Variants in CSNK1G2 observed in about 807,000 individuals in gnomAD.
The protein encoded by CSNK1G2 is casein kinase I isoform gamma-2.
In CSNK1G2, 11 loss-of-function variants were observed where a neutral mutation model predicts 48.0. The observed-to-expected ratio is 0.23, with a 90% CI of 0.14 to 0.38. The LOEUF is 0.38. Among genes scored for constraint, CSNK1G2 ranks in the 10% least tolerant of loss-of-function variants. The pLI is 1.00. For synonymous variants in CSNK1G2, 337 were observed against 254.1 expected, an observed-to-expected ratio of 1.33 and a Z score of -3.10; for missense variants, 446 against 595.5, an observed-to-expected ratio of 0.75 and a Z score of 2.61.
rs561204160 is a variant in CSNK1G2, at chr19:1,975,773, C to T, written c.188-2532C>T. On this transcript the variant is annotated intron_variant, in intron 2 of 11. Transcript: ENST00000255641. Reference sequence around the variant, plus strand: ...AAATCTGACCAGGCACAGTGGCTCACGCCTGTAATCCCAACACTTTGGGAG... The same window carrying T: ...AAATCTGACCAGGCACAGTGGCTCATGCCTGTAATCCCAACACTTTGGGAG... 15 of 985,206 alleles carry T rather than the reference C, an allele frequency of 1.5e-5. No individual in the cohort carries two copies. In the East Asian group the frequency reaches 1.0e-3, roughly 67 times the overall value. The allele number at this position is 985,206 out of a possible 1,614,324, so 61.0% of individuals were successfully genotyped here.
intron 2 of CSNK1G2, among the ~76,000 whole-genome samples, chr19:1,977,506 C>T (rs928695573): frequency 6.6e-6 from 1 of 152,160 alleles, no homozygotes; most frequent in Non-Finnish European, 1.5e-5. Flanking sequence ...TTATCCCAGC[C>T]CTGTGGGAGG....
chr19:1,948,740 C>T (rs1023971794), intron 1 of CSNK1G2, among the ~76,000 whole-genome samples: 2 of 152,140 alleles, frequency 1.3e-5, no homozygotes, highest in Non-Finnish European at 2.9e-5. Flanking sequence ...GGCAGCAGCC[C>T]CTCATGTAGC....
chr19:1,979,568 G>T lies in CSNK1G2; in HGVS notation c.927G>T (p.Arg309=). The T allele has an allele frequency of 6.2e-7, 1 of 1,608,938 alleles. No homozygotes were observed. ...FFEKPDYDYL[R]KLFTDLFDRS... is the part of the protein sequence containing the mutation. Reference sequence around the variant, plus strand: ...AGAAGCCCGACTATGACTACCTGCGGAAGCTCTTCACCGACCTCTTCGACC... The same window carrying T: ...AGAAGCCCGACTATGACTACCTGCGTAAGCTCTTCACCGACCTCTTCGACC... Residue 309 remains arginine, a synonymous_variant, in exon 9 of 12, where the codon CGG becomes CGT. Coordinates refer to ENST00000255641, the MANE Select transcript of CSNK1G2 (RefSeq NM_001319.7).
chr19:1,974,674 C>T (rs1234322702), intron 2 of CSNK1G2: 2 of 152,264 alleles, frequency 1.3e-5, no homozygotes, highest in Non-Finnish European at 2.9e-5. Flanking sequence ...CGTGGCTCAC[C>T]TTGTTTCTGT....
At chr19:1,946,219 A>G (rs1568178775) in intron 1 of CSNK1G2, among the ~76,000 whole-genome samples, 1 of 152,108 alleles carries the variant, frequency 6.6e-6, no homozygotes, top group Non-Finnish European at 1.5e-5. Context: ...AAAGACTGCA[A>G]GAGGCTCGGG....
chr19:1,975,145 T>G (rs1211393032), intron 2 of CSNK1G2: 1 of 985,264 alleles, frequency 1.0e-6, no homozygotes, highest in Non-Finnish European at 1.2e-6. Context: ...CCCATCACCA[T>G]CAGATGCATC....
chr19:1,967,299 C>T (rs997555956), intron 1 of CSNK1G2, among the ~76,000 whole-genome samples: 7 of 152,164 alleles, frequency 4.6e-5, no homozygotes, highest in East Asian at 3.8e-4. Context: ...CTAACATTTT[C>T]GGCGATGGCT....
rs2015046487 is a variant in CSNK1G2, at chr19:1,957,726, G to A, written c.-265-11782G>A. On this transcript the variant is annotated intron_variant, in intron 1 of 11. Transcript: ENST00000255641. The surrounding 1 kb of genome is among the most constrained non-coding windows in gnomAD (Gnocchi z 5.4). ...AGAGGGGCCTCTGAGGGCGTCTGGC[G>A]GCATTTGAGCAGCTGCCAGATCTCC... 6.6e-6 allele frequency among the ~76,000 whole-genome samples: 1 copy of A among 152,130 alleles called. No homozygotes were observed. The highest frequency in any genetic ancestry group is 2.4e-5 in the African/African-American group (1 of 41,424).
At chr19:1,965,251 C>T (rs970670156) in intron 1 of CSNK1G2, among the ~76,000 whole-genome samples, 47 of 150,352 alleles carry the variant, frequency 3.1e-4, no homozygotes, top group African/African-American at 1.1e-3. Context: ...GCCGTGGTGG[C>T]GGGCGCCTTT....
In CSNK1G2 at chr19:1,980,576, C is replaced by CGG; in HGVS notation, c.*373_*374insGG. 2 of 289,956 alleles carry CGG rather than the reference C, an allele frequency of 6.9e-6. No individual in the cohort carries two copies. The highest frequency in any genetic ancestry group is 9.9e-5 in the East Asian group (1 of 10,150). 18.0% of individuals were successfully genotyped at this position (289,956 alleles called of 1,614,324 possible). A position where few individuals can be genotyped will look rare whatever the true frequency, so the allele number is the denominator to read the frequency against. ...GGCCCCCCGGCCTGGCCCCGCCCCG[C>CGG]CAGCCGCCCCCGTTAGCGTCATAAA... On this transcript the variant is annotated 3_prime_UTR_variant, in exon 12 of 12. Transcript: ENST00000255641.
intron 1 of CSNK1G2, among the ~76,000 whole-genome samples, chr19:1,947,747 G>A (rs112175690): frequency 6.6e-6 from 1 of 152,346 alleles, no homozygotes; most frequent in African/African-American, 2.4e-5. Context: ...GTGTGCGTTT[G>A]CGCTGGCGTC....
At chr19:1,952,204 GC>G (rs2014788385) in intron 1 of CSNK1G2, among the ~76,000 whole-genome samples, 2 of 152,382 alleles carry the variant, frequency 1.3e-5, no homozygotes, top group South Asian at 4.1e-4. Flanking sequence ...GGCAGTGGGT[GC>G]AGGGCTGGAC....
At chr19:1,945,693 G>GCGC (rs987369377) in intron 1 of CSNK1G2, among the ~76,000 whole-genome samples, 2 of 152,148 alleles carry the variant, frequency 1.3e-5, no homozygotes, top group African/African-American at 4.8e-5. Flanking sequence ...GTGGTGGCGT[G>GCGC]CGCCCATAAT....
At chr19:1,973,782 C>G (rs2015657940) in intron 2 of CSNK1G2, among the ~76,000 whole-genome samples, 1 of 152,206 alleles carries the variant, frequency 6.6e-6, no homozygotes, top group African/African-American at 2.4e-5. Context: ...TGCACATTCA[C>G]TTTGGCCATC....
At chr19:1,967,506 C>T (rs541427870) in intron 1 of CSNK1G2, among the ~76,000 whole-genome samples, 47 of 112,056 alleles carry the variant, frequency 4.2e-4, no homozygotes, top group African/African-American at 1.7e-3. Flanking sequence ...CCGGCAGGAT[C>T]TGTGCAGACA....
intron 1 of CSNK1G2, among the ~76,000 whole-genome samples, chr19:1,955,465 C>A (rs180756393): frequency 3.3e-5 from 5 of 152,302 alleles, no homozygotes; most frequent in Middle Eastern, 3.4e-3. Flanking sequence ...TCAGCGCCCC[C>A]CACTGAGGCT....
rs1599284137 is a variant in CSNK1G2 at position 1,949,341 on chromosome 19, C to T, written c.-266+7923C>T. The stretch of plus-strand genomic sequence containing the variant: ...TCCAGCCCCTGGCACCCCCATCCTA[C>T]TTTCTGGCTCTGTGACTCTGAGGGC... On this transcript the variant is annotated intron_variant, in intron 1 of 11. Transcript: ENST00000255641. Among the ~76,000 whole-genome samples the T allele has an allele frequency of 1.3e-5, 2 of 152,226 alleles. 1 individual carries two copies. Among genetic ancestry groups the T allele is most frequent in the South Asian group, 4.1e-4 (2 of 4,834 alleles).
rs775225537 is a variant in CSNK1G2, at chr19:1,978,582, G to A, written c.299-20G>A. 3 of 1,581,004 alleles carry A rather than the reference G, an allele frequency of 1.9e-6. No individual in the cohort carries two copies. The highest frequency in any genetic ancestry group is 1.3e-5 in the African/African-American group (1 of 74,356). The stretch of plus-strand genomic sequence containing the variant: ...GAGGGGGCTGCCGCCGCACGCCCGT[G>A]CGTCTGTCCTCCGCCGCAGAGGGCG... On this transcript the variant is annotated intron_variant, in intron 4 of 11. Transcript: ENST00000255641. The surrounding 1 kb of genome is among the most constrained non-coding windows in gnomAD (Gnocchi z 7.3).
intron 2 of CSNK1G2, chr19:1,976,230 C>T: frequency 1.5e-6 from 1 of 680,772 alleles, no homozygotes. Flanking sequence ...GGAGGGGAGC[C>T]CATTTGTTCT....
Sources: gnomAD v4.1 joint callset for allele counts (sites outside exome capture counted in the v4.1 genomes callset) on GRCh38, gnomAD v4.1.1 for gene constraint, Gnocchi (gnomAD v3.1) non-coding constraint, MANE v1.5 for transcripts, NCBI Gene and HGNC (gene_info 2026-07-23, HGNC 2026-07-21) for gene names.